The following EYS variants were observed in gnomAD, a reference collection of about 807,000 sequenced individuals.
EYS encodes the protein EGF-like photoreceptor maintenance factor.
EYS carries 250 observed loss-of-function variants against 282.1 expected under a neutral mutation model. That is an observed-to-expected ratio of 0.89 (90% confidence interval 0.80 to 0.98). The LOEUF (loss-of-function observed/expected upper bound fraction) is 0.98. Among genes scored for constraint, EYS ranks in the 50% least tolerant of loss-of-function variants. The pLI is 0.00. For synonymous variants in EYS, 1,355 were observed against 1,282.9 expected (o/e 1.06, Z -1.20); for missense variants, 4,016 against 3,709.0 (o/e 1.08, Z -2.15).
chr6:65,047,097 CT>C lies in EYS; in HGVS notation c.2137+10516del, dbSNP rs1390228188. On this transcript the variant is annotated intron_variant, in intron 13 of 42. Coordinates refer to ENST00000503581, the MANE Select transcript of EYS (RefSeq NM_001142800.2). Reference sequence around the variant, plus strand: ...GCGGAACTATGAGTCAATTAAACCTCTTTTTTTTTTTTTATAAACTACCCAG... The same window carrying C: ...GCGGAACTATGAGTCAATTAAACCTCTTTTTTTTTTTTATAAACTACCCAG... Among the ~76,000 whole-genome samples, 715 of 126,042 alleles carry C rather than the reference CT, an allele frequency of 5.7e-3. 6 individuals are homozygous for C. The highest frequency in any genetic ancestry group is 0.013 in the African/African-American group (502 of 38,220). 82.7% of individuals were successfully genotyped at this position (126,042 alleles called of 152,430 possible). A position where few individuals can be genotyped will look rare whatever the true frequency, so the allele number is the denominator to read the frequency against.
chr6:63,961,115 A>G (rs112760758), intron 35 of EYS, among the ~76,000 whole-genome samples: 1 of 152,190 alleles, frequency 6.6e-6, no homozygotes, highest in Non-Finnish European at 1.5e-5. Context: ...TATTGGTCAG[A>G]GTTCTAGAAG....
At chr6:65,475,129 C>A (rs1341703548) in intron 5 of EYS, among the ~76,000 whole-genome samples, 1 of 150,992 alleles carries the variant, frequency 6.6e-6, no homozygotes, top group Non-Finnish European at 1.5e-5. Flanking sequence ...GAAAACTAAC[C>A]ACCTCCTAGT....
chr6:65,486,911 T>C lies in EYS; in HGVS notation c.862+3683A>G, dbSNP rs188976992. Among the ~76,000 whole-genome samples the C allele has an allele frequency of 2.1e-3, 314 of 152,306 alleles. 2 individuals carry two copies. The highest frequency in any genetic ancestry group is 7.3e-3 in the African/African-American group (302 of 41,574). ...TTCACATCCCTTGTAAGTTCTTTCCTAGGTATTTTATTCTCTTTGTAGCAA... is the reference window on the plus strand; with the variant it reads ...TTCACATCCCTTGTAAGTTCTTTCCCAGGTATTTTATTCTCTTTGTAGCAA... On this transcript the variant is annotated intron_variant, in intron 5 of 42. Transcript: ENST00000503581.
intron 41 of EYS, among the ~76,000 whole-genome samples, chr6:63,754,955 T>G (rs953394086): frequency 1.3e-5 from 2 of 152,220 alleles, no homozygotes; most frequent in Non-Finnish European, 2.9e-5. Context: ...GATGAGCATG[T>G]TTTTATATGT....
intron 1 of EYS, among the ~76,000 whole-genome samples, chr6:65,648,039 G>A (rs951040437): frequency 1.8e-4 from 25 of 138,642 alleles, no homozygotes; most frequent in African/African-American, 5.3e-4. Context: ...AGATCTTGGC[G>A]TGGATGTGGT....
At chr6:64,607,628 T>C (rs775584364) in intron 24 of EYS, among the ~76,000 whole-genome samples, 2 of 152,010 alleles carry the variant, frequency 1.3e-5, no homozygotes, top group Non-Finnish European at 2.9e-5. Context: ...ACTTCAACAT[T>C]TGGATTTGGG....
intron 41 of EYS, among the ~76,000 whole-genome samples, chr6:63,731,385 T>G (rs1331947502): frequency 6.6e-6 from 1 of 152,216 alleles, no homozygotes. Flanking sequence ...AAATTCGATT[T>G]GCAATTTTTA....
intron 35 of EYS, among the ~76,000 whole-genome samples, chr6:63,878,009 A>G (rs1185295604): frequency 1.3e-5 from 2 of 152,060 alleles, no homozygotes; most frequent in East Asian, 1.9e-4. Flanking sequence ...GCTTTGTTCT[A>G]TTGCTGGTGA....
intron 31 of EYS, among the ~76,000 whole-genome samples, chr6:64,082,227 A>AT (rs1441822817): frequency 1.3e-5 from 2 of 152,128 alleles, no homozygotes; most frequent in Non-Finnish European, 2.9e-5. Context: ...AAGAGTTATA[A>AT]TTTGATGTTT....
At chr6:63,919,754 G>A (rs1030766962) in intron 35 of EYS, among the ~76,000 whole-genome samples, 4 of 152,152 alleles carry the variant, frequency 2.6e-5, no homozygotes, top group Admixed American at 1.3e-4. Flanking sequence ...TGCTACACAC[G>A]TCCACTCTGT....
At chr6:63,967,970 TA>T (rs780498826) in intron 35 of EYS, among the ~76,000 whole-genome samples, 39 of 152,238 alleles carry the variant, frequency 2.6e-4, no homozygotes, top group African/African-American at 8.4e-4. Flanking sequence ...CAGAGTAAGT[TA>T]AAAAAATCAC....
At chr6:65,112,617 C>T (rs1399988412) in intron 12 of EYS, among the ~76,000 whole-genome samples, 2 of 152,036 alleles carry the variant, frequency 1.3e-5, no homozygotes, top group Non-Finnish European at 2.9e-5. Flanking sequence ...CAAGTTAATG[C>T]CCAGTAATTC....
chr6:64,090,590 AT>A (rs750944636), intron 31 of EYS, among the ~76,000 whole-genome samples: 2 of 151,808 alleles, frequency 1.3e-5, no homozygotes, highest in Non-Finnish European at 2.9e-5. Flanking sequence ...GAGTGGCTTA[AT>A]TTTTTTTGTG....
chr6:64,462,694 T>C (rs1359254817), intron 26 of EYS, among the ~76,000 whole-genome samples: 1 of 151,892 alleles, frequency 6.6e-6, no homozygotes, highest in Non-Finnish European at 1.5e-5. Context: ...AATTGTTTTT[T>C]AGCTTCCAAG....
At chr6:65,528,531 A>G (rs1767650192) in intron 2 of EYS, among the ~76,000 whole-genome samples, 1 of 152,186 alleles carries the variant, frequency 6.6e-6, no homozygotes, top group Admixed American at 6.6e-5. Context: ...GTTCCTTTGT[A>G]AAAAAGTAAC....
intron 31 of EYS, among the ~76,000 whole-genome samples, chr6:64,172,172 A>G (rs1415194549): frequency 6.6e-6 from 1 of 152,134 alleles, no homozygotes; most frequent in Non-Finnish European, 1.5e-5. Context: ...AAAAATATGC[A>G]TGCACAATTA....
In EYS at chr6:65,494,719, T is replaced by C. The variant is rs1766176459; in HGVS notation, c.692A>G (p.Lys231Arg). 3.7e-6 allele frequency: 6 copies of C among 1,608,254 alleles called. No individual in the cohort carries two copies. The highest frequency in any genetic ancestry group is 1.7e-5 in the Admixed American group (1 of 59,614). ...PCKNNGSCINKRENWDEQAYE... is the reference protein window; with the variant it reads ...PCKNNGSCINRRENWDEQAYE... ...TGCTTGCTCATCCCAATTTTCTCTT[T>C]TATTAATGCAACTGCCATTATTTTT... Residue 231 changes from lysine to arginine, a missense_variant, in exon 4 of 43, where the codon AAA (lysine) becomes AGA (arginine). Transcript: ENST00000503581.
At chr6:65,456,018 AAG>A (rs201351558) in intron 5 of EYS, among the ~76,000 whole-genome samples, 27,378 of 148,850 alleles carry the variant, frequency 0.18, 3,139 homozygotes, top group Middle Eastern at 0.29. Flanking sequence ...AGAAAGAAGG[AAG>A]GAAGGAAGGG....
At chr6:64,165,350 A>G (rs1330282237) in intron 31 of EYS, among the ~76,000 whole-genome samples, 1 of 152,072 alleles carries the variant, frequency 6.6e-6, no homozygotes, top group Non-Finnish European at 1.5e-5. Context: ...TAATTAATCT[A>G]TAATTTTAAT....
Sources: gnomAD v4.1 joint callset for allele counts (sites outside exome capture counted in the v4.1 genomes callset) on GRCh38, gnomAD v4.1.1 for gene constraint, MANE v1.5 for transcripts, NCBI Gene and HGNC (gene_info 2026-07-23, HGNC 2026-07-21) for gene names.